Variants in SPTAN1 observed in about 807,000 individuals in gnomAD.
SPTAN1 encodes the protein spectrin alpha, non-erythrocytic 1.
A neutral mutation model predicts 331.3 loss-of-function variants in SPTAN1; 61 were observed. The observed-to-expected ratio is 0.18, with a 90% confidence interval of 0.15 to 0.23. SPTAN1 has a LOEUF of 0.23. SPTAN1 is among the 10% of genes least tolerant of loss of function. SPTAN1 has a pLI of 1.00. For synonymous variants in SPTAN1, 1,153 were observed against 1,173.9 expected (o/e 0.98, Z 0.36); for missense variants, 2,043 against 3,147.9 (o/e 0.65, Z 8.40).
intron 27 of SPTAN1, among the ~76,000 whole-genome samples, chr9:128,601,876 A>G (rs1466104866): frequency 2.0e-5 from 3 of 152,136 alleles, no homozygotes; most frequent in Non-Finnish European, 1.5e-5. Context: ...TAGATTTCTA[A>G]CTGGGCCAGG....
rs1855687912 is a variant in SPTAN1, at chr9:128,605,324, G to A, written c.3893G>A (p.Arg1298His). The change falls in exon 31 of 57, where the codon CGC (arginine) becomes CAC (histidine). Residue 1298 changes from arginine (R) to histidine (H), a missense_variant. Around this residue, in one of 12 missense-constraint regions of SPTAN1, gnomAD observed 42 missense variants for 106.0 expected, o/e 0.40. Coordinates refer to ENST00000372739, the MANE Select transcript of SPTAN1 (RefSeq NM_001130438.3). ...AACTCCCTTGGTGAAACAGCAGAGC[G>A]CCTGATCCAGTCCCATCCCGAGTCA... The part of the protein sequence containing the change: ...KVNSLGETAE[R>H]LIQSHPESAE... The A allele has an allele frequency of 1.9e-6, 3 of 1,614,132 alleles. No individual in the cohort carries two copies. The highest frequency in any genetic ancestry group is 8.5e-7 in the Non-Finnish European group (1 of 1,180,030).
At chr9:128,558,135 A>G (rs1223868464) in intron 1 of SPTAN1, among the ~76,000 whole-genome samples, 2 of 152,160 alleles carry the variant, frequency 1.3e-5, no homozygotes, top group African/African-American at 4.8e-5. Flanking sequence ...AGATTCATAT[A>G]TTCAGACCCC....
At position 128,598,968 on chromosome 9, in the gene SPTAN1, G is replaced by A; in HGVS notation, c.3525G>A (p.Val1175=). Residue 1175 remains valine, a synonymous_variant, in exon 26 of 57, where the codon GTG becomes GTA. Coordinates refer to ENST00000372739, the MANE Select transcript of SPTAN1 (RefSeq NM_001130438.3). The stretch of plus-strand genomic sequence containing the variant: ...GTTTCTCTCTCTCCTTGTAGGAAGT[G>A]TATGGCATGATGCCCAGGGTAAGTT... ...EEVQAVQQQE[V]YGMMPRDETD... 6.2e-7 allele frequency: 1 copy of A among 1,613,920 alleles called. No homozygotes were observed. Among genetic ancestry groups the A allele is most frequent in the South Asian group, 1.1e-5 (1 of 91,080 alleles).
intron 22 of SPTAN1, 41 bp from the exon 23 acceptor site, chr9:128,592,942 C>G (rs376241751): frequency 1.3e-6 from 2 of 1,576,270 alleles, no homozygotes; most frequent in South Asian, 1.2e-5. Context: ...GGATTAACCC[C>G]ACTAATTCGT....
At chr9:128,594,042 A>T in intron 23 of SPTAN1, 133 bp from the exon 24 acceptor site, 1 of 820,928 alleles carries the variant, frequency 1.2e-6, no homozygotes, top group Non-Finnish European at 2.1e-6. Context: ...TAACTCTGTT[A>T]CTAGGGCATC....
chr9:128,600,043 A>AAACAAAGGC, intron 26 of SPTAN1, 37 bp from the exon 27 acceptor site: 2 of 1,613,784 alleles, frequency 1.2e-6, no homozygotes, highest in Non-Finnish European at 1.7e-6. Context: ...TTCATGGTCA[A>AAACAAAGGC]TTGCTTGGCT....
Position 128,599,850 on chromosome 9 carries a change from A to G in SPTAN1, c.3544-230A>G, listed in dbSNP as rs1589276429. The G allele has an allele frequency of 1.4e-5, 8 of 587,266 alleles. No individual in the cohort carries two copies. The South Asian group carries it at 1.7e-4, about 12-fold the overall frequency. 36.4% of individuals were successfully genotyped at this position (587,266 alleles called of 1,614,324 possible). A position where few individuals can be genotyped will look rare whatever the true frequency, so the allele number is the denominator to read the frequency against. On this transcript the variant is annotated intron_variant, in intron 26 of 56. Transcript: ENST00000372739. The stretch of plus-strand genomic sequence containing the variant: ...TTTCTTTATTCTCTCCATTTCTTCT[A>G]CTGGATAAAAAAATTGGAATTTTTC...
intron 13 of SPTAN1, 51 bp from the exon 14 acceptor site, chr9:128,582,643 A>G: frequency 6.2e-7 from 1 of 1,611,238 alleles, no homozygotes; most frequent in Non-Finnish European, 8.5e-7. Context: ...TCAACTGGAT[A>G]TCCCTTTGGG....
chr9:128,581,016 A>T lies in SPTAN1; in HGVS notation c.1418A>T (p.Tyr473Phe). 6.2e-7 allele frequency: 1 copy of T among 1,614,114 alleles called. No individual in the cohort carries two copies. Among genetic ancestry groups the T allele is most frequent in the East Asian group, 2.2e-5 (1 of 44,888 alleles). Reference protein sequence around the residue: ...YEQCMDLQLFYRDTEQVDNWM... With the variant: ...YEQCMDLQLFFRDTEQVDNWM... The stretch of plus-strand genomic sequence containing the variant: ...CAGTGCATGGACCTGCAGCTCTTCT[A>T]CCGGGACACTGAGCAGGTGGACAAC... Residue 473 changes from tyrosine to phenylalanine, a missense_variant, in exon 11 of 57, where the codon TAC (tyrosine) becomes TTC (phenylalanine). Coordinates refer to ENST00000372739, the MANE Select transcript of SPTAN1 (RefSeq NM_001130438.3).
intron 1 of SPTAN1, among the ~76,000 whole-genome samples, chr9:128,555,041 A>C (rs1334789905): frequency 6.6e-6 from 1 of 152,182 alleles, no homozygotes; most frequent in East Asian, 1.9e-4. Context: ...TTAGTTTGAA[A>C]AAGTATATTC....
intron 10 of SPTAN1, among the ~76,000 whole-genome samples, chr9:128,580,345 T>A (rs1356284650): frequency 6.6e-6 from 1 of 151,128 alleles, no homozygotes; most frequent in Non-Finnish European, 1.5e-5. Context: ...TTACTTTTTT[T>A]ATATGTGTAT....
chr9:128,612,071 T>C (rs1564287216), intron 38 of SPTAN1, 38 bp from the exon 39 acceptor site: 7 of 1,613,934 alleles, frequency 4.3e-6, no homozygotes, highest in Admixed American at 3.3e-5. Context: ...CGATTCTTCA[T>C]AGATTTCATC....
intron 40 of SPTAN1, 31 bp from the exon 41 acceptor site, chr9:128,615,601 G>C (rs1407438152): frequency 6.8e-6 from 11 of 1,612,664 alleles, no homozygotes; most frequent in Non-Finnish European, 8.5e-6. Context: ...GGGAGACCCA[G>C]TTTCTGACCC....
intron 1 of SPTAN1, among the ~76,000 whole-genome samples, chr9:128,554,140 G>A (rs1564171711): frequency 6.6e-6 from 1 of 152,126 alleles, no homozygotes; most frequent in East Asian, 1.9e-4. Flanking sequence ...TTAACAATAA[G>A]CCTTTTTTAG....
intron 9 of SPTAN1, among the ~76,000 whole-genome samples, chr9:128,578,639 G>T (rs1289331105): frequency 6.6e-6 from 1 of 152,120 alleles, no homozygotes; most frequent in Non-Finnish European, 1.5e-5. Context: ...GACCATCCAT[G>T]CCAACATGGT....
chr9:128,575,646 C>G (rs1851214521), intron 5 of SPTAN1, among the ~76,000 whole-genome samples: 2 of 152,194 alleles, frequency 1.3e-5, no homozygotes, highest in African/African-American at 2.4e-5. Flanking sequence ...CTCAGGGTTT[C>G]TCAGACGAGG....
chr9:128,598,579 C>T (rs1040061198), intron 25 of SPTAN1, 75 bp downstream of exon 25: 2 of 1,218,042 alleles, frequency 1.6e-6, no homozygotes, highest in African/African-American at 1.5e-5. Flanking sequence ...TCTGTCATAG[C>T]CCAACAAGCA....
intron 11 of SPTAN1, among the ~76,000 whole-genome samples, chr9:128,581,554 G>A (rs1851953412): frequency 6.6e-6 from 1 of 151,712 alleles, no homozygotes; most frequent in South Asian, 2.1e-4. Context: ...CAAAAACTAT[G>A]TAAGAGAAGT....
At chr9:128,605,660 A>G (rs370734664) in intron 31 of SPTAN1, among the ~76,000 whole-genome samples, 183 bp downstream of exon 31, 2 of 152,198 alleles carry the variant, frequency 1.3e-5, no homozygotes, top group Non-Finnish European at 2.9e-5. Flanking sequence ...CCTGGGCTAC[A>G]TGGCGAAACC....
Sources: allele counts gnomAD v4.1 joint callset (sites outside exome capture counted in the v4.1 genomes callset), GRCh38; gene constraint gnomAD v4.1.1; regional missense constraint gnomAD v4.1.1; transcripts MANE v1.5; gene names NCBI Gene and HGNC (gene_info 2026-07-23, HGNC 2026-07-21).